Variants in TRAPPC9 observed in about 807,000 individuals in gnomAD.
TRAPPC9 encodes trafficking protein particle complex subunit 9.
TRAPPC9 carries 83 observed loss-of-function variants against 124.0 expected under a neutral mutation model. The observed-to-expected ratio is 0.67, with a 90% confidence interval of 0.56 to 0.80. The LOEUF (loss-of-function observed/expected upper bound fraction) is 0.80. Ranked by LOEUF, TRAPPC9 falls within the 30% of genes least tolerant of loss-of-function variation. The pLI, the probability that TRAPPC9 is intolerant of heterozygous loss-of-function variation, is 0.00. For missense variants in TRAPPC9, 1,302 were observed against 1,508.3 expected (o/e 0.86, Z 2.27); for synonymous variants, 638 against 617.5 (o/e 1.03, Z -0.49).
At chr8:140,072,566 AG>A (rs1319009079) in intron 17 of TRAPPC9, among the ~76,000 whole-genome samples, 2 of 33,794 alleles carry the variant, frequency 5.9e-5, no homozygotes, top group Admixed American at 3.0e-4. Context: ...GAGGAGGAGG[AG>A]AAAGGAAGGA....
intron 9 of TRAPPC9, among the ~76,000 whole-genome samples, chr8:140,342,847 G>A (rs1588180531): frequency 6.6e-6 from 1 of 152,270 alleles, no homozygotes; most frequent in East Asian, 1.9e-4. Context: ...AGCTCTTTAT[G>A]CTCTGCTATA....
At chr8:140,363,601 C>CTT (rs543442679) in intron 8 of TRAPPC9, among the ~76,000 whole-genome samples, 2 of 145,634 alleles carry the variant, frequency 1.4e-5, no homozygotes, top group Non-Finnish European at 3.0e-5. Context: ...ACACAAACGT[C>CTT]TTTTTTTTTT....
intron 8 of TRAPPC9, among the ~76,000 whole-genome samples, chr8:140,368,685 C>T (rs2132227343): frequency 6.6e-6 from 1 of 152,160 alleles, no homozygotes; most frequent in Admixed American, 6.5e-5. Context: ...AAATAAGAGG[C>T]TAAAGTGCTG....
At chr8:140,411,541 C>CATGT (rs2069706813) in intron 5 of TRAPPC9, among the ~76,000 whole-genome samples, 1 of 152,152 alleles carries the variant, frequency 6.6e-6, no homozygotes, top group East Asian at 1.9e-4. Flanking sequence ...GGGGTTTTGC[C>CATGT]ATGTTGGCCA....
rs907038049 is a variant in TRAPPC9 at position 140,063,835 on chromosome 8, G to A, written c.2557-39756C>T. Among the ~76,000 whole-genome samples the A allele has an allele frequency of 6.6e-6, 1 of 151,880 alleles. No homozygotes were observed. Among genetic ancestry groups the A allele is most frequent in the South Asian group, 2.1e-4 (1 of 4,800 alleles). On this transcript the variant is annotated intron_variant, in intron 17 of 22. Coordinates refer to ENST00000438773, the MANE Select transcript of TRAPPC9 (RefSeq NM_001160372.4). The surrounding 1 kb of genome is among the most constrained non-coding windows in gnomAD (Gnocchi z 4.3). ...TTGCCTGCTCTCTTGTCACCCTTTC[G>A]GGTTCACAATTTGCCCGCTTCCTAT...
At chr8:139,933,450 AGT>A (rs1214477097) in intron 19 of TRAPPC9, 1 of 152,242 alleles carries the variant, frequency 6.6e-6, no homozygotes, top group Non-Finnish European at 1.5e-5. Context: ...ACAGAGCAAG[AGT>A]TATAACCTTC....
In TRAPPC9 at chr8:139,907,574, A is replaced by C; in HGVS notation, c.2964+2573T>G. ...AAGGGATGGAGGCAGAGAGGGAGGGAGGGAGGGAGGGAGGGATGATGTCCT... is the reference window on the plus strand; with the variant it reads ...AAGGGATGGAGGCAGAGAGGGAGGGCGGGAGGGAGGGAGGGATGATGTCCT... On this transcript the variant is annotated intron_variant, in intron 20 of 22. Transcript: ENST00000438773. The surrounding 1 kb of genome is among the most constrained non-coding windows in gnomAD (Gnocchi z 4.7). Among the ~76,000 whole-genome samples the C allele has an allele frequency of 5.7e-5, 1 of 17,496 alleles. No homozygotes were observed. The highest frequency in any genetic ancestry group is 1.5e-3 in the East Asian group (1 of 676). The allele number at this position is 17,496 out of a possible 152,430, so 11.5% of individuals were successfully genotyped here.
chr8:140,033,671 T>TTTTG (rs1840667867), intron 17 of TRAPPC9, among the ~76,000 whole-genome samples: 1 of 82,928 alleles, frequency 1.2e-5, no homozygotes, highest in Non-Finnish European at 2.2e-5. Flanking sequence ...TTTTTTTTTT[T>TTTTG]TTTTTTTTTT....
chr8:140,124,686 A>G (rs984536263), intron 17 of TRAPPC9, among the ~76,000 whole-genome samples: 1 of 126,182 alleles, frequency 7.9e-6, no homozygotes, highest in African/African-American at 3.0e-5. Context: ...GAAGACCCTC[A>G]GAGGGGAAGA....
intron 19 of TRAPPC9, among the ~76,000 whole-genome samples, chr8:139,922,743 T>C (rs1366829576): frequency 6.6e-6 from 1 of 152,162 alleles, no homozygotes; most frequent in Non-Finnish European, 1.5e-5. Context: ...AAAGTGCATC[T>C]TCCTGCCTTC....
At chr8:140,102,974 G>A (rs151335497) in intron 17 of TRAPPC9, among the ~76,000 whole-genome samples, 31 of 152,264 alleles carry the variant, frequency 2.0e-4, no homozygotes, top group African/African-American at 6.3e-4. Context: ...TCTGACTTAC[G>A]AAGATGAGGC....
At chr8:140,415,457 A>C (rs545830065) in intron 5 of TRAPPC9, among the ~76,000 whole-genome samples, 1 of 151,700 alleles carries the variant, frequency 6.6e-6, no homozygotes, top group African/African-American at 2.4e-5. Flanking sequence ...CGGAAAGCTG[A>C]GGCAGGAGAA....
At chr8:140,081,553 C>G (rs1019579785) in intron 17 of TRAPPC9, among the ~76,000 whole-genome samples, 2 of 152,040 alleles carry the variant, frequency 1.3e-5, no homozygotes, top group African/African-American at 4.8e-5. Context: ...ACCATATTGA[C>G]CAGGGTGGTC....
chr8:140,450,991 G>A lies in TRAPPC9; in HGVS notation c.383C>T (p.Pro128Leu), dbSNP rs780990607. The A allele has an allele frequency of 3.0e-5, 48 of 1,614,030 alleles. No homozygotes were observed. Among genetic ancestry groups the A allele is most frequent in the East Asian group, 6.7e-5 (3 of 44,886 alleles). Residue 128 changes from proline (P) to leucine (L), a missense_variant, in exon 2 of 23, where the codon CCG becomes CTG. Physicochemically the swap from Pro to Leu is moderately conservative, Grantham distance 98 (BLOSUM62 -3). Coordinates refer to ENST00000438773, the MANE Select transcript of TRAPPC9 (RefSeq NM_001160372.4). ...GGGGTAGAAAGCCACGTCGGTGCGC[G>A]GCTGCTCCACGATCTCCCCCTGCAG... ...FGLQGEIVEQ[P>L]RTDVAFYPNY...
At chr8:140,452,335 G>T (rs2071493896) in intron 1 of TRAPPC9, among the ~76,000 whole-genome samples, 1 of 148,410 alleles carries the variant, frequency 6.7e-6, no homozygotes, top group Non-Finnish European at 1.5e-5. Context: ...CAGGAGAATG[G>T]CATGAACCAG....
chr8:140,136,454 C>T (rs1444775106), intron 17 of TRAPPC9, among the ~76,000 whole-genome samples: 2 of 152,172 alleles, frequency 1.3e-5, no homozygotes, highest in African/African-American at 2.4e-5. Flanking sequence ...ATTTACTTCT[C>T]GGTACCTACC....
chr8:140,238,210 A>T (rs183981306), intron 16 of TRAPPC9: 1 of 152,352 alleles, frequency 6.6e-6, no homozygotes, highest in Admixed American at 6.5e-5. Flanking sequence ...TTGCTGATGA[A>T]TGACAAACAC....
rs1025509143 is a variant in TRAPPC9 at position 139,984,093 on chromosome 8, C to T, written c.2810+4633G>A. Among the ~76,000 whole-genome samples the T allele has an allele frequency of 6.6e-6, 1 of 152,138 alleles. No individual in the cohort carries two copies. Among genetic ancestry groups the T allele is most frequent in the Non-Finnish European group, 1.5e-5 (1 of 68,020 alleles). Reference sequence around the variant, plus strand: ...CTGGGTGAGATGAGATCACCCCTTCCTACTAGGAGGGAGGAGAGGCGGCAG... The same window carrying T: ...CTGGGTGAGATGAGATCACCCCTTCTTACTAGGAGGGAGGAGAGGCGGCAG... On this transcript the variant is annotated intron_variant, in intron 19 of 22. Coordinates refer to ENST00000438773, the MANE Select transcript of TRAPPC9 (RefSeq NM_001160372.4). The surrounding 1 kb of genome is among the most constrained non-coding windows in gnomAD (Gnocchi z 4.3).
At chr8:140,427,416 G>A (rs920692626) in intron 4 of TRAPPC9, among the ~76,000 whole-genome samples, 2 of 150,792 alleles carry the variant, frequency 1.3e-5, no homozygotes, top group African/African-American at 4.9e-5. Flanking sequence ...TACACACACA[G>A]AATAATTGGA....
Sources: allele counts gnomAD v4.1 joint callset (sites outside exome capture counted in the v4.1 genomes callset), GRCh38; gene constraint gnomAD v4.1.1; non-coding constraint Gnocchi (gnomAD v3.1); transcripts MANE v1.5; gene names NCBI Gene and HGNC (gene_info 2026-07-23, HGNC 2026-07-21).